CNIH3: variants seen among roughly 807,000 people sequenced by gnomAD.
CNIH3 encodes protein cornichon homolog 3.
Under a neutral mutation model 24.1 loss-of-function variants are expected in CNIH3, and 14 were observed. The observed-to-expected ratio is 0.58, with a 90% confidence interval of 0.38 to 0.91. The LOEUF (loss-of-function observed/expected upper bound fraction) is 0.91, where lower values mean the gene tolerates loss of function less well. Ranked by LOEUF, CNIH3 falls within the 40% of genes least tolerant of loss-of-function variation. CNIH3 has a pLI of 0.00. For synonymous variants in CNIH3, 68 were observed against 73.8 expected (o/e 0.92, Z 0.40); for missense variants, 178 against 196.8 (o/e 0.90, Z 0.57).
chr1:224,588,966 C>CTTTTTTTTTTTTT (rs1681629805), downstream of CNIH3, among the ~76,000 whole-genome samples: 1 of 76,944 alleles, frequency 1.3e-5, no homozygotes, highest in Non-Finnish European at 2.5e-5. Flanking sequence ...TCCTGACCCC[C>CTTTTTTTTTTTTT]TGTTTTTTTT....
intron 1 of CNIH3, among the ~76,000 whole-genome samples, chr1:224,654,778 C>G (rs1685021080): frequency 6.6e-6 from 1 of 152,160 alleles, no homozygotes; most frequent in Non-Finnish European, 1.5e-5. Flanking sequence ...AATACCTCTG[C>G]TTAATAACTA....
At chr1:224,527,237 G>A (rs1445267537) in intron 2 of CNIH3, among the ~76,000 whole-genome samples, 1 of 152,160 alleles carries the variant, frequency 6.6e-6, no homozygotes, top group African/African-American at 2.4e-5. Context: ...TACTGCTGAG[G>A]GAGGCATCAC....
At chr1:224,698,978 G>A (rs1687328410) in intron 3 of CNIH3, among the ~76,000 whole-genome samples, 1 of 133,134 alleles carries the variant, frequency 7.5e-6, no homozygotes, top group African/African-American at 2.6e-5. Flanking sequence ...GAGATGGGGA[G>A]CTGAGAGGTC....
At chr1:224,737,367 T>C (rs977108720) in intron 5 of CNIH3, among the ~76,000 whole-genome samples, 1 of 152,176 alleles carries the variant, frequency 6.6e-6, no homozygotes, top group Non-Finnish European at 1.5e-5. Flanking sequence ...TCATGATACA[T>C]GTGTTAATCA....
At chr1:224,728,584 A>G (rs1174914174) in intron 3 of CNIH3, among the ~76,000 whole-genome samples, 1 of 152,206 alleles carries the variant, frequency 6.6e-6, no homozygotes, top group African/African-American at 2.4e-5. Flanking sequence ...CATAGTTACA[A>G]AATGTCTTAC....
chr1:224,527,089 C>T (rs74146370), intron 2 of CNIH3, among the ~76,000 whole-genome samples: 6,236 of 152,102 alleles, frequency 0.041, 400 homozygotes, highest in African/African-American at 0.14. Flanking sequence ...ATGTCACAGC[C>T]GAAACAGACT....
intron 1 of CNIH3, among the ~76,000 whole-genome samples, chr1:224,628,749 A>G (rs1465671169): frequency 6.6e-6 from 1 of 152,044 alleles, no homozygotes; most frequent in Non-Finnish European, 1.5e-5. Flanking sequence ...GGTTTAGGCC[A>G]TGAGGGGAAG....
chr1:224,733,449 T>TGAGCTGGCAGTTGTCATCG (rs1284660752), intron 4 of CNIH3, among the ~76,000 whole-genome samples: 18 of 152,314 alleles, frequency 1.2e-4, no homozygotes, highest in African/African-American at 3.8e-4. Context: ...TGGAGGGCTG[T>TGAGCTGGCAGTTGTCATCG]GAGCTGGCAG....
At chr1:224,548,933 T>G (rs1286184902) in intron 3 of CNIH3, among the ~76,000 whole-genome samples, 1 of 151,792 alleles carries the variant, frequency 6.6e-6, no homozygotes, top group East Asian at 1.9e-4. Context: ...TTGTACATTC[T>G]AGGACATTGT....
At chr1:224,646,944 G>C (rs1684634001) in intron 1 of CNIH3, among the ~76,000 whole-genome samples, 1 of 152,148 alleles carries the variant, frequency 6.6e-6, no homozygotes, top group Non-Finnish European at 1.5e-5. Flanking sequence ...GCTCAAGAGA[G>C]GAATGAGACA....
At chr1:224,733,955 A>T (rs186901571) in intron 4 of CNIH3, among the ~76,000 whole-genome samples, 2 of 152,276 alleles carry the variant, frequency 1.3e-5, no homozygotes, top group East Asian at 3.9e-4. Context: ...TTTGAAGTAC[A>T]CACAGTTCGC....
chr1:224,639,831 A>G (rs1684272046), intron 1 of CNIH3, among the ~76,000 whole-genome samples: 1 of 152,178 alleles, frequency 6.6e-6, no homozygotes, highest in African/African-American at 2.4e-5. Context: ...GATTATAGAG[A>G]AAGCCTGGCT....
chr1:224,465,686 C>T (rs10753468), intron 1 of CNIH3, among the ~76,000 whole-genome samples: 104,457 of 152,066 alleles, frequency 0.69, 38,323 homozygotes, highest in East Asian at 0.98. Context: ...CATCCTTCAC[C>T]CCTCCTCCCT....
intron 3 of CNIH3, among the ~76,000 whole-genome samples, chr1:224,595,338 G>C (rs906055118): frequency 1.3e-5 from 2 of 152,156 alleles, no homozygotes; most frequent in Admixed American, 6.5e-5. Flanking sequence ...GAGCCACCAT[G>C]CCCAGTCTGT....
Position 224,640,188 on chromosome 1 carries a change from C to T in CNIH3, c.81+22933C>T, listed in dbSNP as rs78314456. ...TCAGTAACACCTTTCCATTTCCTCT[C>T]GCTATTCATGTGTGTGTGTGTGCAA... On this transcript the variant is annotated intron_variant, in intron 1 of 5. Coordinates refer to ENST00000272133, the MANE Select transcript of CNIH3 (RefSeq NM_152495.2). Among the ~76,000 whole-genome samples the T allele has an allele frequency of 1.1e-3, 173 of 152,198 alleles. No homozygotes were observed. The East Asian group carries it at 0.025, about 22-fold the overall frequency.
intron 1 of CNIH3, among the ~76,000 whole-genome samples, chr1:224,633,507 T>A (rs1229813422): frequency 6.6e-6 from 1 of 152,098 alleles, no homozygotes; most frequent in Non-Finnish European, 1.5e-5. Context: ...AAAAAAGGAA[T>A]TTATGGGAAG....
At chr1:224,542,459 A>G (rs1413119103), downstream of CNIH3, among the ~76,000 whole-genome samples, 1 of 152,182 alleles carries the variant, frequency 6.6e-6, no homozygotes, top group Non-Finnish European at 1.5e-5. Context: ...TGAAGATGGA[A>G]CATGTGACTT....
intron 3 of CNIH3, among the ~76,000 whole-genome samples, chr1:224,708,319 C>G (rs1687934063): frequency 6.6e-6 from 1 of 152,180 alleles, no homozygotes; most frequent in African/African-American, 2.4e-5. Flanking sequence ...CAGATCAGCT[C>G]CCTCTTTTGA....
intron 1 of CNIH3, among the ~76,000 whole-genome samples, chr1:224,668,185 A>G (rs930695833): frequency 2.0e-5 from 3 of 152,222 alleles, no homozygotes; most frequent in African/African-American, 7.2e-5. Flanking sequence ...ATCAATGATG[A>G]TGTCTCAAAA....
Sources: gnomAD v4.1 joint callset for allele counts (sites outside exome capture counted in the v4.1 genomes callset) on GRCh38, gnomAD v4.1.1 for gene constraint, MANE v1.5 for transcripts, NCBI Gene and HGNC (gene_info 2026-07-23, HGNC 2026-07-21) for gene names.